SLCO4A1: variants seen among roughly 807,000 people sequenced by gnomAD.
SLCO4A1 encodes the protein solute carrier organic anion transporter family member 4A1, also known as colon organic anion transporter.
A neutral mutation model predicts 64.6 loss-of-function variants in SLCO4A1; 51 were observed. That is an observed-to-expected ratio of 0.79 (90% confidence interval 0.63 to 1.00). The LOEUF (loss-of-function observed/expected upper bound fraction) is 1.00. SLCO4A1 is among the 50% of genes least tolerant of loss of function. SLCO4A1 has a pLI of 0.00. For synonymous variants in SLCO4A1, 471 were observed against 444.9 expected, an observed-to-expected ratio of 1.06 and a Z score of -0.74; for missense variants, 919 against 980.5, an observed-to-expected ratio of 0.94 and a Z score of 0.84.
chr20:62,666,120 T>TGCCC (rs1986243901), intron 6 of SLCO4A1: 1 of 48,976 alleles, frequency 2.0e-5, no homozygotes, highest in African/African-American at 8.1e-5. Flanking sequence ...GCCCCCCCGC[T>TGCCC]CCCCCTTCCC....
chr20:62,661,216 C>G lies in SLCO4A1; in HGVS notation c.1121+41C>G. The G allele has an allele frequency of 3.6e-6, 5 of 1,379,426 alleles. No homozygotes were observed. Among genetic ancestry groups the G allele is most frequent in the Non-Finnish European group, 5.2e-6 (5 of 967,452 alleles). The allele number at this position is 1,379,426 out of a possible 1,614,324, so 85.4% of individuals were successfully genotyped here. ...GGGAGGGTTCCTAGTGTCCTCAGAC[C>G]CTTTAATGGTCCCCATCTTGGGGGA... is the stretch of plus-strand genomic sequence containing the variant. On this transcript the variant is annotated intron_variant, in intron 5 of 11. Coordinates refer to ENST00000217159, the MANE Select transcript of SLCO4A1 (RefSeq NM_016354.4). The surrounding 1 kb of genome is among the most constrained non-coding windows in gnomAD (Gnocchi z 5.2).
At chr20:62,672,460 C>T (rs1049359825), downstream of SLCO4A1, 1 of 188,046 alleles carries the variant, frequency 5.3e-6, no homozygotes, top group Non-Finnish European at 1.0e-5. Context: ...CCACAGGCTC[C>T]CCTGCTGAGG....
chr20:62,656,904 C>T lies in SLCO4A1; in HGVS notation c.450C>T (p.Asp150=), dbSNP rs772954340. ...GCGGGCTCATCGCCAGCTCCTACGA[C>T]ATTGCCGCCTGCCTCTGCCTCACCT... is the stretch of plus-strand genomic sequence containing the variant. ...YQSGLIASSY[D]IAACLCLTFV... is the part of the protein sequence containing the mutation. The change falls in exon 2 of 12, where the codon GAC becomes GAT. Residue 150 remains aspartate, a synonymous_variant. Transcript: ENST00000217159. 3.2e-6 allele frequency: 5 copies of T among 1,571,502 alleles called. No homozygotes were observed. The Admixed American group carries it at 5.2e-5, about 16-fold the overall frequency.
chr20:62,675,056 C>A (rs984175959), downstream of SLCO4A1, among the ~76,000 whole-genome samples: 1 of 152,312 alleles, frequency 6.6e-6, no homozygotes, highest in Admixed American at 6.5e-5. Context: ...GCCCTGCCCC[C>A]ACCCTGGATG....
At chr20:62,666,624 C>A in intron 7 of SLCO4A1, 49 bp downstream of exon 7, 1 of 1,516,026 alleles carries the variant, frequency 6.6e-7, no homozygotes, top group Non-Finnish European at 9.1e-7. Context: ...CAAGCACCCG[C>A]GGTCCCTGGG....
intron 1 of SLCO4A1, among the ~76,000 whole-genome samples, chr20:62,655,948 G>A (rs532260335): frequency 2.0e-5 from 3 of 152,176 alleles, no homozygotes; most frequent in Admixed American, 1.3e-4. Context: ...CACAGCGAGC[G>A]GGGCCAGGGC....
chr20:62,672,938 C>T (rs907618217), downstream of SLCO4A1, among the ~76,000 whole-genome samples: 1 of 102,956 alleles, frequency 9.7e-6, no homozygotes, highest in Non-Finnish European at 2.5e-5. Flanking sequence ...TGAGGATGGA[C>T]GCCACCCTCG....
chr20:62,661,754 G>A lies in SLCO4A1; in HGVS notation c.1121+579G>A, dbSNP rs544169201. Among the ~76,000 whole-genome samples, 42 of 151,982 alleles carry A rather than the reference G, an allele frequency of 2.8e-4. No individual in the cohort carries two copies. The East Asian group carries it at 6.2e-3, about 23-fold the overall frequency. ...CTCTGGGGAGGTTGCTTGCTTTGCC[G>A]TCTGCCTTGGCTGCCTTCCCTTTCT... On this transcript the variant is annotated intron_variant, in intron 5 of 11. Transcript: ENST00000217159. This position sits in a 1 kb window ranked among gnomAD's most constrained non-coding sequence, Gnocchi z 5.2.
At chr20:62,665,405 A>G in intron 6 of SLCO4A1, 1 of 272,012 alleles carries the variant, frequency 3.7e-6, no homozygotes, top group Non-Finnish European at 6.9e-6. Flanking sequence ...CTGTTCCATG[A>G]GCCAGGCACT....
chr20:62,672,001 C>G lies in SLCO4A1; in HGVS notation c.*108C>G. On this transcript the variant is annotated 3_prime_UTR_variant, in exon 12 of 12. Transcript: ENST00000217159. Reference sequence around the variant, plus strand: ...CGGGAACTTCTATTTGACCTGCAACCTTCTACTTAACCTGTGGTTTAAAGT... The same window carrying G: ...CGGGAACTTCTATTTGACCTGCAACGTTCTACTTAACCTGTGGTTTAAAGT... 2 of 1,592,442 alleles carry G rather than the reference C, an allele frequency of 1.3e-6. No homozygotes were observed.
downstream of SLCO4A1, among the ~76,000 whole-genome samples, chr20:62,687,174 G>GGCACGATGGGTGGGGCA (rs1569159352): frequency 2.9e-5 from 4 of 138,006 alleles, no homozygotes; most frequent in Admixed American, 7.0e-5. Context: ...TGGAAAGGGC[G>GGCACGATGGGTGGGGCA]CCCCCAAACA....
In SLCO4A1 at chr20:62,645,924, G is replaced by C. The variant is rs78351059; in HGVS notation, c.-97+3371G>C. ...TGCGATGCTTTGGGTGGCGTGTGTC[G>C]TCCAGTCTGCCCCAGGCTCACTTGG... On this transcript the variant is annotated intron_variant, in intron 1 of 11. Transcript: ENST00000217159. This position sits in a 1 kb window ranked among gnomAD's most constrained non-coding sequence, Gnocchi z 4.2. Among the ~76,000 whole-genome samples, 28 of 152,036 alleles carry C rather than the reference G, an allele frequency of 1.8e-4. No homozygotes were observed. Among genetic ancestry groups the C allele is most frequent in the African/African-American group, 6.5e-4 (27 of 41,404 alleles).
chr20:62,643,767 A>G (rs1980836457), intron 1 of SLCO4A1, among the ~76,000 whole-genome samples: 1 of 152,258 alleles, frequency 6.6e-6, no homozygotes, highest in Non-Finnish European at 1.5e-5. Context: ...GAATCTGGTA[A>G]TAATGACAAG....
chr20:62,686,163 A>G (rs1255886962), downstream of SLCO4A1, among the ~76,000 whole-genome samples: 1 of 152,156 alleles, frequency 6.6e-6, no homozygotes, highest in African/African-American at 2.4e-5. Flanking sequence ...GGCTCAGAAT[A>G]ATGAGCTGAG....
At chr20:62,666,635 C>A in intron 7 of SLCO4A1, 60 bp downstream of exon 7, 1 of 1,426,710 alleles carries the variant, frequency 7.0e-7, no homozygotes, top group Non-Finnish European at 9.8e-7. Context: ...GGTCCCTGGG[C>A]ATGGAGGAGG....
At chr20:62,648,944 G>C in intron 1 of SLCO4A1, 1 of 152,322 alleles carries the variant, frequency 6.6e-6, no homozygotes, top group East Asian at 1.9e-4. Flanking sequence ...GCAGGCGTTA[G>C]GAAGTCGGTA....
chr20:62,657,363 C>T (rs1983942811), intron 2 of SLCO4A1, 113 bp downstream of exon 2: 2 of 1,013,400 alleles, frequency 2.0e-6, no homozygotes, highest in Non-Finnish European at 2.8e-6. Context: ...TACCCCTTGT[C>T]TGCATGGCCC....
rs138954836 is a variant in SLCO4A1 at position 62,667,406 on chromosome 20, G to A, written c.1473-339G>A. On this transcript the variant is annotated intron_variant, in intron 7 of 11. Coordinates refer to ENST00000217159, the MANE Select transcript of SLCO4A1 (RefSeq NM_016354.4). ...GCTGGGGCCACGAGGCTGCCTTTGT[G>A]TACTTGGCGCTTTTTCTTTCCTAAT... 1,921 of 266,498 alleles carry A rather than the reference G, an allele frequency of 7.2e-3. 19 individuals carry two copies. Among genetic ancestry groups the A allele is most frequent in the South Asian group, 0.03 (345 of 11,354 alleles). 16.5% of individuals were successfully genotyped at this position (266,498 alleles called of 1,614,324 possible). A position where few individuals can be genotyped will look rare whatever the true frequency, so the allele number is the denominator to read the frequency against.
At chr20:62,658,861 C>G in intron 3 of SLCO4A1, 94 bp downstream of exon 3, 1 of 1,117,154 alleles carries the variant, frequency 9.0e-7, no homozygotes, top group Middle Eastern at 2.0e-4. Flanking sequence ...TGAGTCAGGC[C>G]GGGCGCGGCG....
Sources: allele counts gnomAD v4.1 joint callset (sites outside exome capture counted in the v4.1 genomes callset), GRCh38; gene constraint gnomAD v4.1.1; non-coding constraint Gnocchi (gnomAD v3.1); transcripts MANE v1.5; gene names NCBI Gene and HGNC (gene_info 2026-07-23, HGNC 2026-07-21).